The following TRMT11 variants were observed in gnomAD, a reference collection of about 807,000 sequenced individuals.
TRMT11 encodes the protein tRNA methyltransferase 11.
TRMT11 carries 53 observed loss-of-function variants against 62.8 expected under a neutral mutation model. The observed-to-expected ratio is 0.84, with a 90% CI of 0.68 to 1.06. The LOEUF (loss-of-function observed/expected upper bound fraction) is 1.06. TRMT11 is among the 50% of genes least tolerant of loss of function. The pLI, the probability that TRMT11 is intolerant of heterozygous loss-of-function variation, is 0.00. For missense variants in TRMT11, 556 were observed against 553.4 expected (o/e 1.00, Z -0.05); for synonymous variants, 188 against 190.3 (o/e 0.99, Z 0.10).
chr6:126,009,041 C>G (rs1019561112), intron 8 of TRMT11, among the ~76,000 whole-genome samples: 1 of 151,780 alleles, frequency 6.6e-6, no homozygotes, highest in African/African-American at 2.4e-5. Context: ...TAAGGAAGTG[C>G]AGGAAAGTGA....
chr6:126,090,714 G>A (rs971822466), intron 17 of TRMT11, among the ~76,000 whole-genome samples: 5 of 152,076 alleles, frequency 3.3e-5, no homozygotes, highest in African/African-American at 1.2e-4. Context: ...ACATAAGACT[G>A]GTTCATTCTG....
intron 7 of TRMT11, among the ~76,000 whole-genome samples, chr6:126,000,366 T>C (rs1441134625): frequency 1.3e-5 from 2 of 152,132 alleles, no homozygotes; most frequent in African/African-American, 4.8e-5. Flanking sequence ...TCTTTCCCCT[T>C]GGGCAGTGAT....
At chr6:126,066,152 C>G (rs754217847) in intron 17 of TRMT11, among the ~76,000 whole-genome samples, 4 of 152,178 alleles carry the variant, frequency 2.6e-5, no homozygotes, top group Non-Finnish European at 5.9e-5. Context: ...AAGAAACTCA[C>G]TTTGAGCGCC....
chr6:125,995,433 C>T (rs1191623881), intron 2 of TRMT11, among the ~76,000 whole-genome samples: 2 of 152,122 alleles, frequency 1.3e-5, no homozygotes, highest in Non-Finnish European at 2.9e-5. Flanking sequence ...CCCTGATGCA[C>T]TTGGAGCTTT....
At chr6:126,269,220 C>T in the TRMT11 span, among the ~76,000 whole-genome samples, 1 of 143,070 alleles carries the variant, frequency 7.0e-6, no homozygotes, top group African/African-American at 2.6e-5. Flanking sequence ...GCCGAGATCC[C>T]GCCACTGCAC....
the TRMT11 span, among the ~76,000 whole-genome samples, chr6:126,263,264 T>TG: frequency 6.6e-6 from 1 of 152,180 alleles, no homozygotes; most frequent in Non-Finnish European, 1.5e-5. Flanking sequence ...CTAATTATTT[T>TG]GGGGGGAAAA....
intron 6 of TRMT11, 65 bp downstream of exon 6, chr6:125,998,749 G>A: frequency 6.6e-7 from 1 of 1,510,248 alleles, no homozygotes; most frequent in Admixed American, 1.9e-5. Flanking sequence ...TAGGCCTTTT[G>A]TTGACTCCTA....
At chr6:125,998,752 G>A in intron 6 of TRMT11, 68 bp downstream of exon 6, 1 of 1,496,776 alleles carries the variant, frequency 6.7e-7, no homozygotes, top group Non-Finnish European at 9.1e-7. Flanking sequence ...GCCTTTTGTT[G>A]ACTCCTATGT....
At chr6:126,107,645 A>G (rs779540408) in intron 17 of TRMT11, among the ~76,000 whole-genome samples, 2 of 152,154 alleles carry the variant, frequency 1.3e-5, no homozygotes, top group Non-Finnish European at 2.9e-5. Flanking sequence ...AAGGCTGAAT[A>G]AGCAAGGAAT....
chr6:126,040,879 A>G (rs574279610), downstream of TRMT11, among the ~76,000 whole-genome samples: 32 of 152,192 alleles, frequency 2.1e-4, no homozygotes, highest in African/African-American at 5.5e-4. Flanking sequence ...CTGGGAGGAA[A>G]TAGTGGAGTA....
At chr6:126,105,937 A>G (rs187111142) in intron 17 of TRMT11, among the ~76,000 whole-genome samples, 1 of 152,284 alleles carries the variant, frequency 6.6e-6, no homozygotes, top group East Asian at 1.9e-4. Flanking sequence ...TTGAATTAAT[A>G]TGGAAAAATC....
chr6:126,073,528 C>T (rs775248103), intron 17 of TRMT11, among the ~76,000 whole-genome samples: 16 of 151,918 alleles, frequency 1.1e-4, no homozygotes, highest in African/African-American at 3.6e-4. Flanking sequence ...CATTCTCAAA[C>T]GGATATTTAA....
chr6:126,186,626 A>G (rs973739242), intron 1 of TRMT11, among the ~76,000 whole-genome samples: 1 of 152,132 alleles, frequency 6.6e-6, no homozygotes, highest in Non-Finnish European at 1.5e-5. Context: ...ATCTCACTCA[A>G]GTTGATTGTG....
chr6:125,996,021 A>G lies in TRMT11; in HGVS notation c.193A>G (p.Lys65Glu), dbSNP rs1186657589. ...TGAAGATATTGCAAGAAATTTGATG[A>G]AACGGACAGTGTGTGCCAAGTAAGA... ...PSEDIARNLM[K>E]RTVCAKSIFE... Residue 65 changes from lysine to glutamate, a missense_variant, in exon 3 of 13, where the codon AAA (lysine) becomes GAA (glutamate). Lys to Glu is a moderately conservative substitution (Grantham distance 56, BLOSUM62 1). Transcript: ENST00000334379. 2 of 1,611,424 alleles carry G rather than the reference A, an allele frequency of 1.2e-6. No homozygotes were observed. The highest frequency in any genetic ancestry group is 1.3e-5 in the African/African-American group (1 of 74,878).
chr6:126,010,787 T>C (rs1012515067), intron 8 of TRMT11, among the ~76,000 whole-genome samples: 1 of 152,142 alleles, frequency 6.6e-6, no homozygotes, highest in Admixed American at 6.6e-5. Flanking sequence ...TCTTTAGCCT[T>C]CCTTCCACTC....
intron 17 of TRMT11, among the ~76,000 whole-genome samples, chr6:126,088,846 A>G (rs1265236389): frequency 6.6e-6 from 1 of 152,190 alleles, no homozygotes; most frequent in Non-Finnish European, 1.5e-5. Flanking sequence ...AAGAGAATTG[A>G]CTTATATTGC....
At chr6:126,079,245 GTTTAA>G (rs1777104669) in intron 17 of TRMT11, among the ~76,000 whole-genome samples, 1 of 152,082 alleles carries the variant, frequency 6.6e-6, no homozygotes. Context: ...AAGTTTATAT[GTTTAA>G]TTTAAAAATA....
chr6:126,214,164 A>G, the TRMT11 span, among the ~76,000 whole-genome samples: 1 of 149,236 alleles, frequency 6.7e-6, no homozygotes, highest in African/African-American at 2.6e-5. Flanking sequence ...GGATTTTTGC[A>G]TTAACATTCA....
chr6:126,204,186 A>G (rs186197637), downstream of TRMT11, among the ~76,000 whole-genome samples: 4 of 152,368 alleles, frequency 2.6e-5, no homozygotes, highest in East Asian at 7.7e-4. Flanking sequence ...TACAGATATT[A>G]TAAGCATCTT....
Sources: gnomAD v4.1 joint callset for allele counts (sites outside exome capture counted in the v4.1 genomes callset) on GRCh38, gnomAD v4.1.1 for gene constraint, MANE v1.5 for transcripts, NCBI Gene and HGNC (gene_info 2026-07-23, HGNC 2026-07-21) for gene names.